MEGF10: variants seen among roughly 807,000 people sequenced by gnomAD.
MEGF10 encodes the protein multiple EGF like domains 10, also known as multiple epidermal growth factor-like domains protein 10.
Under a neutral mutation model 147.5 loss-of-function variants are expected in MEGF10, and 86 were observed. The ratio of observed to expected loss-of-function variants is 0.58; its 90% confidence interval spans 0.49 to 0.70. The LOEUF is 0.70. MEGF10 is among the 30% of genes least tolerant of loss of function. The pLI, the probability that MEGF10 is intolerant of heterozygous loss-of-function variation, is 0.00. For synonymous variants in MEGF10, 478 were observed against 525.5 expected (o/e 0.91, Z 1.24); for missense variants, 1,329 against 1,487.3 (o/e 0.89, Z 1.75).
Position 127,365,583 on chromosome 5 carries a change from C to G in MEGF10, c.320-4327C>G, listed in dbSNP as rs549694367. 5.3e-5 allele frequency among the ~76,000 whole-genome samples: 8 copies of G among 152,308 alleles called. No homozygotes were observed. The South Asian group carries it at 1.7e-3, about 32-fold the overall frequency. On this transcript the variant is annotated intron_variant, in intron 4 of 24. Transcript: ENST00000503335. Reference sequence around the variant, plus strand: ...GACAGACTGTCCACAGCTTTCATTTCAAAGACATGGCCTGTTCTTCTCATC... The same window carrying G: ...GACAGACTGTCCACAGCTTTCATTTGAAAGACATGGCCTGTTCTTCTCATC...
the MEGF10 span, among the ~76,000 whole-genome samples, chr5:127,236,950 C>T: frequency 6.6e-6 from 1 of 152,200 alleles, no homozygotes; most frequent in Middle Eastern, 3.4e-3. Context: ...CCTGTTGCCC[C>T]CAGATTTAGG....
chr5:127,452,779 A>T (rs1329802424), intron 22 of MEGF10, among the ~76,000 whole-genome samples: 1 of 152,040 alleles, frequency 6.6e-6, no homozygotes, highest in Non-Finnish European at 1.5e-5. Context: ...CTTCAAGATC[A>T]CCTCCCAGGA....
rs763734414 is a variant in MEGF10, at chr5:127,433,367, C to T, written c.1698C>T (p.Val566=). Residue 566 remains valine (V), a synonymous_variant, in exon 14 of 25, where the codon GTC becomes GTT. Transcript: ENST00000503335. ...HCRCLPGWSG[V]HCDSVCAEGR... is the part of the protein sequence containing the mutation. ...GCCCCATGTGCATTATTTCAGGTGTCCACTGTGACAGCGTGTGTGCTGAGG... is the reference window on the plus strand; with the variant it reads ...GCCCCATGTGCATTATTTCAGGTGTTCACTGTGACAGCGTGTGTGCTGAGG... The T allele has an allele frequency of 2.5e-6, 4 of 1,614,068 alleles. No individual in the cohort carries two copies. The East Asian group carries it at 8.9e-5, about 36-fold the overall frequency.
At chr5:127,260,207 A>T in the MEGF10 span, among the ~76,000 whole-genome samples, 1 of 152,166 alleles carries the variant, frequency 6.6e-6, no homozygotes, top group East Asian at 1.9e-4. Context: ...AAAAAAAATA[A>T]AAAAGAATTC....
At chr5:127,387,895 T>G (rs1240532463) in intron 5 of MEGF10, among the ~76,000 whole-genome samples, 1 of 152,160 alleles carries the variant, frequency 6.6e-6, no homozygotes, top group Non-Finnish European at 1.5e-5. Flanking sequence ...AAAATTAGGC[T>G]GAGGGTTTGA....
chr5:127,426,568 T>TAC (rs1190294784), intron 13 of MEGF10, among the ~76,000 whole-genome samples: 2 of 151,842 alleles, frequency 1.3e-5, no homozygotes, highest in Admixed American at 6.6e-5. Context: ...GGACCTCTGG[T>TAC]ACACACACAC....
At chr5:127,343,659 A>G (rs1169627851) in intron 4 of MEGF10, among the ~76,000 whole-genome samples, 1 of 151,862 alleles carries the variant, frequency 6.6e-6, no homozygotes, top group Non-Finnish European at 1.5e-5. Flanking sequence ...GTGAAGAATG[A>G]TCTTCTCAGG....
chr5:127,259,346 A>G, the MEGF10 span, among the ~76,000 whole-genome samples: 1 of 152,248 alleles, frequency 6.6e-6, no homozygotes, highest in African/African-American at 2.4e-5. Flanking sequence ...TTGAGCTTCC[A>G]TTCTATTTGG....
intron 5 of MEGF10, among the ~76,000 whole-genome samples, chr5:127,377,567 G>T (rs566274561): frequency 6.7e-4 from 102 of 152,306 alleles, no homozygotes; most frequent in African/African-American, 2.4e-3. Context: ...CAGGTGCAGC[G>T]TAAGGAACAC....
chr5:127,438,494 T>C lies in MEGF10; in HGVS notation c.2160T>C (p.Asn720=). 2 of 1,614,180 alleles carry C rather than the reference T, an allele frequency of 1.2e-6. No individual in the cohort carries two copies. The highest frequency in any genetic ancestry group is 1.7e-6 in the Non-Finnish European group (2 of 1,180,012). The stretch of plus-strand genomic sequence containing the variant: ...GCATCCACACGTGCAACTGCCATAA[T>C]GGAGCTTTCTGCAGCGCCTACGATG... ...PNCIHTCNCH[N]GAFCSAYDGE... Residue 720 remains asparagine (N), a synonymous_variant, in exon 17 of 25, where the codon AAT becomes AAC. Coordinates refer to ENST00000503335, the MANE Select transcript of MEGF10 (RefSeq NM_001256545.2).
At chr5:127,250,514 T>C in the MEGF10 span, among the ~76,000 whole-genome samples, 1 of 152,034 alleles carries the variant, frequency 6.6e-6, no homozygotes, top group African/African-American at 2.4e-5. Flanking sequence ...GGAAACTTCA[T>C]TGAACTAATA....
intron 4 of MEGF10, among the ~76,000 whole-genome samples, chr5:127,364,421 C>T (rs1185948348): frequency 2.6e-5 from 4 of 152,146 alleles, no homozygotes; most frequent in Non-Finnish European, 5.9e-5. Context: ...GGATTCTACT[C>T]TGCATTTATT....
intron 7 of MEGF10, among the ~76,000 whole-genome samples, 155 bp from the exon 8 acceptor site, chr5:127,402,391 T>A (rs1162064377): frequency 6.6e-6 from 1 of 152,252 alleles, no homozygotes; most frequent in Non-Finnish European, 1.5e-5. Flanking sequence ...TTAAAGATGA[T>A]GAACAGTTTA....
At chr5:127,419,304 A>G in intron 11 of MEGF10, 64 bp downstream of exon 11, 1 of 1,551,856 alleles carries the variant, frequency 6.4e-7, no homozygotes, top group African/African-American at 1.4e-5. Flanking sequence ...AGACACAAAA[A>G]AGAAAAACCT....
chr5:127,379,594 C>CTTTTTTTTTTTTTTT, intron 5 of MEGF10, among the ~76,000 whole-genome samples: 1 of 90,380 alleles, frequency 1.1e-5, no homozygotes, highest in Non-Finnish European at 2.1e-5. Flanking sequence ...TGGCCAGCTT[C>CTTTTTTTTTTTTTTT]TTTTTTTTTT....
chr5:127,340,057 T>C (rs1193204139), intron 3 of MEGF10, among the ~76,000 whole-genome samples: 1 of 152,206 alleles, frequency 6.6e-6, no homozygotes, highest in Non-Finnish European at 1.5e-5. Flanking sequence ...TTACTGCTCT[T>C]TCCCCAGTGT....
chr5:127,280,139 C>T, the MEGF10 span, among the ~76,000 whole-genome samples: 1 of 152,094 alleles, frequency 6.6e-6, no homozygotes, highest in South Asian at 2.1e-4. Context: ...TTAATTTTAA[C>T]ATGAAAACAT....
intron 19 of MEGF10, among the ~76,000 whole-genome samples, chr5:127,444,202 T>C (rs1410723338): frequency 6.6e-6 from 1 of 152,192 alleles, no homozygotes; most frequent in African/African-American, 2.4e-5. Context: ...CAATAAGCAG[T>C]TGGGCTATAA....
Position 127,402,573 on chromosome 5 carries a change from G to A in MEGF10, c.808G>A (p.Glu270Lys), listed in dbSNP as rs201393832. ...MGTVCGQPCPEGRFGKNCSQE... is the reference protein window; with the variant it reads ...MGTVCGQPCPKGRFGKNCSQE... ...CACAGTGTGTGGTCAGCCTTGCCCC[G>A]AGGGTCGCTTTGGAAAGAACTGTTC... Residue 270 changes from glutamate to lysine, a missense_variant, in exon 8 of 25, where the codon GAG becomes AAG. Glu to Lys is a moderately conservative substitution (Grantham distance 56, BLOSUM62 1). Around this residue, in one of 3 missense-constraint regions of MEGF10, gnomAD observed 980 missense variants for 1,085.9 expected, o/e 0.90. Transcript: ENST00000503335. The A allele has an allele frequency of 1.7e-5, 27 of 1,613,992 alleles. No homozygotes were observed. Among genetic ancestry groups the A allele is most frequent in the African/African-American group, 2.7e-5 (2 of 75,012 alleles).
Sources: allele counts gnomAD v4.1 joint callset (sites outside exome capture counted in the v4.1 genomes callset), GRCh38; gene constraint gnomAD v4.1.1; regional missense constraint gnomAD v4.1.1; transcripts MANE v1.5; gene names NCBI Gene and HGNC (gene_info 2026-07-23, HGNC 2026-07-21).